GPR17: variants seen among roughly 807,000 people sequenced by gnomAD.
The protein encoded by GPR17 is G protein-coupled receptor 17.
In GPR17, 4 loss-of-function variants were observed where a neutral mutation model predicts 1.5. The ratio of observed to expected loss-of-function variants is 2.73; its 90% CI spans 1.35 to 6.25. GPR17 has a LOEUF of 6.25. Among genes scored for constraint, GPR17 ranks in the 30% most tolerant of loss-of-function variants. The pLI is 0.00. For synonymous variants in GPR17, 209 were observed against 207.6 expected (o/e 1.01, Z -0.06); for missense variants, 463 against 462.1 (o/e 1.00, Z -0.02).
intron 1 of GPR17, among the ~76,000 whole-genome samples, chr2:127,649,343 T>C (rs1019087602): frequency 2.0e-5 from 3 of 152,140 alleles, no homozygotes; most frequent in African/African-American, 4.8e-5. Flanking sequence ...GCTGCCACAA[T>C]GGGCACAGGC....
At chr2:127,650,101 C>T (rs370188760) in intron 1 of GPR17, 140 of 1,585,428 alleles carry the variant, frequency 8.8e-5, no homozygotes, top group African/African-American at 3.5e-4. Context: ...AGACCTCTGA[C>T]GTCCCAGGGT....
chr2:127,651,509 C>T lies in GPR17; in HGVS notation c.774C>T (p.Tyr258=), dbSNP rs778001264. The T allele has an allele frequency of 8.7e-6, 14 of 1,612,634 alleles. No homozygotes were observed. Among genetic ancestry groups the T allele is most frequent in the South Asian group, 3.3e-5 (3 of 91,090 alleles). ...FVPYHVNRSV[Y]VLHYRSHGAS... ...CCTACCACGTCAACCGCTCCGTCTA[C>T]GTGCTGCACTACCGCAGCCATGGGG... is the stretch of plus-strand genomic sequence containing the variant. The change falls in exon 2 of 2, where the codon TAC becomes TAT. Residue 258 remains tyrosine (Y), a synonymous_variant. Transcript: ENST00000486700.
In GPR17 at chr2:127,650,834, G is replaced by A. The variant is rs1159027724; in HGVS notation, c.99G>A (p.Leu33=). Residue 33 remains leucine, a synonymous_variant, in exon 2 of 2, where the codon CTG becomes CTA. Coordinates refer to ENST00000486700, the MANE Select transcript of GPR17 (RefSeq NM_001161417.2). ...AGGAGACGCCACTGGAGAACATGCT[G>A]TTCGCCTCCTTCTACCTTCTGGATT... is the stretch of plus-strand genomic sequence containing the variant. ...CGQETPLENM[L]FASFYLLDFI... 8 of 1,613,972 alleles carry A rather than the reference G, an allele frequency of 5.0e-6. No homozygotes were observed. The highest frequency in any genetic ancestry group is 2.2e-5 in the South Asian group (2 of 91,092).
chr2:127,651,253 T>C lies in GPR17; in HGVS notation c.518T>C (p.Val173Ala). The change falls in exon 2 of 2, where the codon GTG becomes GCG. Residue 173 changes from valine to alanine, a missense_variant. Coordinates refer to ENST00000486700, the MANE Select transcript of GPR17 (RefSeq NM_001161417.2). ...MAPLLVSPQTVQTNHTVVCLQ... is the reference protein window; with the variant it reads ...MAPLLVSPQTAQTNHTVVCLQ... Reference sequence around the variant, plus strand: ...CCGCTGCTGGTGAGCCCACAGACCGTGCAGACCAACCACACGGTGGTCTGC... The same window carrying C: ...CCGCTGCTGGTGAGCCCACAGACCGCGCAGACCAACCACACGGTGGTCTGC... The C allele has an allele frequency of 6.2e-7, 1 of 1,606,634 alleles. No homozygotes were observed. The highest frequency in any genetic ancestry group is 8.5e-7 in the Non-Finnish European group (1 of 1,179,326).
chr2:127,650,505 T>C lies in GPR17; in HGVS notation c.-20-211T>C, dbSNP rs1558880455. 5.3e-6 allele frequency: 3 copies of C among 571,416 alleles called. No individual in the cohort carries two copies. The South Asian group carries it at 7.0e-5, about 13-fold the overall frequency. The allele number at this position is 571,416 out of a possible 1,614,324, so 35.4% of individuals were successfully genotyped here. On this transcript the variant is annotated intron_variant, in intron 1 of 1. Transcript: ENST00000486700. ...ATAGCGGCGAAATTCCAAGCCCTGG[T>C]TCTGCGTTTGCCTTGTGCTGAAGTT...
chr2:127,651,033 G>A lies in GPR17; in HGVS notation c.298G>A (p.Gly100Arg). ...CTTCTCTGGGAACCACTGGCCATTT[G>A]GGGAAATCGCATGCCGTCTCACCGG... ...YHFSGNHWPFGEIACRLTGFL... is the reference protein window; with the variant it reads ...YHFSGNHWPFREIACRLTGFL... Residue 100 changes from glycine (G) to arginine (R), a missense_variant, in exon 2 of 2, where the codon GGG becomes AGG. By Grantham distance (125) the Gly-to-Arg change is moderately radical. Coordinates refer to ENST00000486700, the MANE Select transcript of GPR17 (RefSeq NM_001161417.2). 6.2e-7 allele frequency: 1 copy of A among 1,613,764 alleles called. No homozygotes were observed. The highest frequency in any genetic ancestry group is 8.5e-7 in the Non-Finnish European group (1 of 1,180,042).
At chr2:127,650,406 C>G in intron 1 of GPR17, 1 of 533,106 alleles carries the variant, frequency 1.9e-6, no homozygotes, top group Non-Finnish European at 3.3e-6. Flanking sequence ...CGTCCCATTC[C>G]CCGCCATGGC....
At chr2:127,649,167 G>GGAAGGAAGGAAGGAAGGAAGGAAA (rs1553463219) in intron 1 of GPR17, among the ~76,000 whole-genome samples, 4 of 86,706 alleles carry the variant, frequency 4.6e-5, no homozygotes, top group Admixed American at 1.0e-4. Context: ...GAGGAAGGTA[G>GGAAGGAAGGAAGGAAGGAAGGAAA]GAAGGAAGGA....
rs772911552 is a variant in GPR17 at position 127,651,116 on chromosome 2, C to G, written c.381C>G (p.Ala127=). ...TCTACTTCCTCACCTGCATCAGCGC[C>G]GACCGTTTCCTGGCCATTGTGCACC... The part of the protein sequence containing the change: ...ASIYFLTCIS[A]DRFLAIVHPV... The change falls in exon 2 of 2, where the codon GCC becomes GCG. Residue 127 remains alanine, a synonymous_variant. Coordinates refer to ENST00000486700, the MANE Select transcript of GPR17 (RefSeq NM_001161417.2). 8 of 1,613,488 alleles carry G rather than the reference C, an allele frequency of 5.0e-6. No homozygotes were observed. The South Asian group carries it at 6.6e-5, about 13-fold the overall frequency.
At chr2:127,649,157 G>GAGGAAGGT (rs1363629913) in intron 1 of GPR17, among the ~76,000 whole-genome samples, 3 of 73,862 alleles carry the variant, frequency 4.1e-5, no homozygotes, top group East Asian at 5.6e-4. Flanking sequence ...GTGAGAGAGA[G>GAGGAAGGT]AGGAAGGTAG....
intron 1 of GPR17, 26 bp downstream of exon 1, chr2:127,646,270 A>C (rs1176323137): frequency 6.6e-6 from 1 of 152,206 alleles, no homozygotes; most frequent in Non-Finnish European, 1.5e-5. Flanking sequence ...GGTGGGGTGG[A>C]CTGGGAGCCC....
chr2:127,647,040 G>GCCCAGGCTGAGGCC lies in GPR17; in HGVS notation c.-21+800_-21+813dup, dbSNP rs1443610055. Among the ~76,000 whole-genome samples, 55 of 152,210 alleles carry GCCCAGGCTGAGGCC rather than the reference G, an allele frequency of 3.6e-4. No individual in the cohort carries two copies. In the East Asian group the frequency reaches 0.01, roughly 28 times the overall value. ...GCCCGGGCAGGAAGTGGAGGGCAGT[G>GCCCAGGCTGAGGCC]CCCAGGCTGAGGCCCCCGGGCTGGA... On this transcript the variant is annotated intron_variant, in intron 1 of 1. Coordinates refer to ENST00000486700, the MANE Select transcript of GPR17 (RefSeq NM_001161417.2). The surrounding 1 kb of genome is among the most constrained non-coding windows in gnomAD (Gnocchi z 4.3).
At position 127,647,611 on chromosome 2, in the gene GPR17, C is replaced by T. The variant is rs961799390; in HGVS notation, c.-21+1367C>T. On this transcript the variant is annotated intron_variant, in intron 1 of 1. Transcript: ENST00000486700. The surrounding 1 kb of genome is among the most constrained non-coding windows in gnomAD (Gnocchi z 4.3). ...TGGAGGGCACCCACCTTGGCCCCTTCCCACCCCCAGGTTCTAACAAGGGCC... is the reference window on the plus strand; with the variant it reads ...TGGAGGGCACCCACCTTGGCCCCTTTCCACCCCCAGGTTCTAACAAGGGCC... Among the ~76,000 whole-genome samples the T allele has an allele frequency of 2.0e-5, 3 of 152,068 alleles. No individual in the cohort carries two copies. The highest frequency in any genetic ancestry group is 2.9e-5 in the Non-Finnish European group (2 of 67,984).
chr2:127,648,161 G>A, intron 1 of GPR17: 2 of 985,326 alleles, frequency 2.0e-6, no homozygotes, highest in Non-Finnish European at 2.4e-6. Context: ...GGGGAATGGG[G>A]TCCCCATGAG....
rs1558882065 is a variant in GPR17 at position 127,651,114 on chromosome 2, GCCGA to G, written c.383_386del (p.Asp128ValfsTer40). ...CATCTACTTCCTCACCTGCATCAGC[GCCGA>G]CCGTTTCCTGGCCATTGTGCACCCG... On this transcript the variant is annotated frameshift_variant, in exon 2 of 2. Transcript: ENST00000486700. LOFTEE classifies it low-confidence loss of function (END_TRUNC). 6.2e-7 allele frequency: 1 copy of G among 1,613,356 alleles called. No individual in the cohort carries two copies. The highest frequency in any genetic ancestry group is 1.1e-5 in the South Asian group (1 of 91,082).
rs1683190996 is a variant in GPR17, at chr2:127,648,039, C to T, written c.-21+1795C>T. 7 of 985,774 alleles carry T rather than the reference C, an allele frequency of 7.1e-6. No homozygotes were observed. The Admixed American group carries it at 1.8e-4, about 26-fold the overall frequency. 61.1% of individuals were successfully genotyped at this position (985,774 alleles called of 1,614,324 possible). A position where few individuals can be genotyped will look rare whatever the true frequency, so the allele number is the denominator to read the frequency against. On this transcript the variant is annotated intron_variant, in intron 1 of 1. Transcript: ENST00000486700. ...TCCCTCTCCCAAGCATCACTCACCC[C>T]GCCTTCTTCGGCCCTCAGCTCTCCG...
chr2:127,650,094 C>A (rs1016445118), intron 1 of GPR17: 1 of 1,591,038 alleles, frequency 6.3e-7, no homozygotes, highest in African/African-American at 1.3e-5. Flanking sequence ...AAAGAGTAGA[C>A]CTCTGACGTC....
chr2:127,649,421 G>A (rs1397178617), intron 1 of GPR17, among the ~76,000 whole-genome samples: 1 of 152,246 alleles, frequency 6.6e-6, no homozygotes, highest in African/African-American at 2.4e-5. Context: ...GCAGGGTGGG[G>A]ATGGTGGATA....
rs1683913584 is a variant in GPR17, at chr2:127,652,517, T to C, written c.*762T>C. ...TGCCTCCCACTGACCCAGACCCACT[T>C]CCTCCAGAGAGGCCTCTCTCCGCCT... On this transcript the variant is annotated 3_prime_UTR_variant, in exon 2 of 2. Coordinates refer to ENST00000486700, the MANE Select transcript of GPR17 (RefSeq NM_001161417.2). 6.0e-6 allele frequency: 1 copy of C among 166,822 alleles called. No individual in the cohort carries two copies. Among genetic ancestry groups the C allele is most frequent in the Admixed American group, 6.5e-5 (1 of 15,288 alleles). The allele number at this position is 166,822 out of a possible 1,614,324, so 10.3% of individuals were successfully genotyped here.
Sources: allele counts gnomAD v4.1 joint callset (sites outside exome capture counted in the v4.1 genomes callset), GRCh38; gene constraint gnomAD v4.1.1; non-coding constraint Gnocchi (gnomAD v3.1); transcripts MANE v1.5; gene names NCBI Gene and HGNC (gene_info 2026-07-23, HGNC 2026-07-21).